Variants in CHEK2 observed in about 807,000 individuals in gnomAD.
The protein encoded by CHEK2 is serine/threonine-protein kinase Chk2.
CHEK2 carries 71 observed loss-of-function variants against 69.1 expected under a neutral mutation model. The ratio of observed to expected loss-of-function variants is 1.03; its 90% CI spans 0.85 to 1.25. The LOEUF is 1.25. Among genes scored for constraint, CHEK2 ranks in the 50% most tolerant of loss-of-function variants. The pLI is 0.00. For synonymous variants in CHEK2, 189 were observed against 226.9 expected, an observed-to-expected ratio of 0.83 and a Z score of 1.50; for missense variants, 664 against 649.6, an observed-to-expected ratio of 1.02 and a Z score of -0.24.
At chr22:28,690,537 A>G (rs995050845) in intron 13 of CHEK2, among the ~76,000 whole-genome samples, 1 of 151,356 alleles carries the variant, frequency 6.6e-6, no homozygotes, top group Non-Finnish European at 1.5e-5. Flanking sequence ...CTGAGGCAGG[A>G]GAATCGCTTG....
intron 13 of CHEK2, among the ~76,000 whole-genome samples, chr22:28,690,191 T>C (rs1477291152): frequency 6.6e-6 from 1 of 152,178 alleles, no homozygotes; most frequent in Non-Finnish European, 1.5e-5. Flanking sequence ...TTGATGGATA[T>C]GGAAATTTTA....
chr22:28,713,404 G>T (rs2053476445), intron 5 of CHEK2, among the ~76,000 whole-genome samples: 1 of 150,252 alleles, frequency 6.7e-6, no homozygotes, highest in African/African-American at 2.5e-5. Flanking sequence ...CAGTCGCCCA[G>T]GCTGGAGTGC....
At chr22:28,694,338 G>A (rs1399283481) in intron 12 of CHEK2, among the ~76,000 whole-genome samples, 2 of 152,104 alleles carry the variant, frequency 1.3e-5, no homozygotes, top group South Asian at 2.1e-4. Context: ...CTGCTGGGAC[G>A]TCAGTCACGA....
chr22:28,724,362 T>C (rs1177196247), intron 4 of CHEK2, among the ~76,000 whole-genome samples: 2 of 151,906 alleles, frequency 1.3e-5, no homozygotes, highest in Non-Finnish European at 2.9e-5. Context: ...TGAGCCGAGA[T>C]TGCACCACTG....
intron 6 of CHEK2, 35 bp from the exon 7 acceptor site, chr22:28,710,094 TA>T: frequency 7.3e-7 from 1 of 1,366,804 alleles, no homozygotes; most frequent in Non-Finnish European, 1.0e-6. Flanking sequence ...TTATTAGTAA[TA>T]ATAATTGCCA....
intron 2 of CHEK2, among the ~76,000 whole-genome samples, chr22:28,731,207 TAAACAAAC>T (rs201904190): frequency 3.4e-5 from 5 of 148,970 alleles, no homozygotes; most frequent in Non-Finnish European, 6.0e-5. Flanking sequence ...TGTCTCAAAA[TAAACAAAC>T]AAACAAACAA....
At chr22:28,689,938 G>T (rs2145756128) in intron 13 of CHEK2, among the ~76,000 whole-genome samples, 1 of 152,280 alleles carries the variant, frequency 6.6e-6, no homozygotes, top group East Asian at 1.9e-4. Flanking sequence ...GTCTGGTGCA[G>T]CTCTCCCCAT....
At chr22:28,707,888 G>A (rs1454015069) in intron 7 of CHEK2, among the ~76,000 whole-genome samples, 1 of 142,828 alleles carries the variant, frequency 7.0e-6, no homozygotes, top group East Asian at 2.1e-4. Flanking sequence ...CCAGGCTGGA[G>A]TGCAGTGGCA....
At chr22:28,725,418 C>A (rs760235890) in intron 2 of CHEK2, 51 bp from the exon 3 acceptor site, 3 of 1,611,468 alleles carry the variant, frequency 1.9e-6, no homozygotes, top group Admixed American at 1.7e-5. Context: ...ATGTATCAAA[C>A]GTTTAAAAAT....
At chr22:28,725,208 C>T (rs1169126394) in intron 3 of CHEK2, 35 bp downstream of exon 3, 1 of 1,613,910 alleles carries the variant, frequency 6.2e-7, no homozygotes, top group Non-Finnish European at 8.5e-7. Context: ...ACCAAATTAC[C>T]AGCTCTCCTA....
chr22:28,709,217 A>G (rs993788112), intron 7 of CHEK2, among the ~76,000 whole-genome samples: 2 of 152,200 alleles, frequency 1.3e-5, no homozygotes, highest in Non-Finnish European at 2.9e-5. Context: ...ACAAAAAGAT[A>G]AGAACTAGGC....
chr22:28,703,583 A>C lies in CHEK2; in HGVS notation c.847-17T>G, dbSNP rs199780411. ...GATGCAAGGCTAAGAAGAGGGGGAG[A>C]AAAAAGGGAAAGTAGTGAGAAACTC... is the stretch of plus-strand genomic sequence containing the variant. On this transcript the variant is annotated splice_polypyrimidine_tract_variant and intron_variant, in intron 7 of 14. Coordinates refer to ENST00000404276, the MANE Select transcript of CHEK2 (RefSeq NM_007194.4). The C allele has an allele frequency of 2.0e-6, 3 of 1,501,804 alleles. No individual in the cohort carries two copies. The highest frequency in any genetic ancestry group is 2.8e-5 in the African/African-American group (2 of 72,718). 93.0% of individuals were successfully genotyped at this position (1,501,804 alleles called of 1,614,324 possible). A position where few individuals can be genotyped will look rare whatever the true frequency, so the allele number is the denominator to read the frequency against.
intron 13 of CHEK2, among the ~76,000 whole-genome samples, chr22:28,693,013 T>G (rs2052423863): frequency 6.6e-6 from 1 of 152,148 alleles, no homozygotes. Context: ...CAGCTGTGAG[T>G]CAGTTAAACC....
Position 28,739,644 on chromosome 22 carries a change from G to A in CHEK2, c.-7+2125C>T, listed in dbSNP as rs551306286. The stretch of plus-strand genomic sequence containing the variant: ...GCAGAGGAGGCAGTGAGCCAAAATC[G>A]CGCCACTGCATTCCAGCCTGGGCGA... On this transcript the variant is annotated intron_variant, in intron 1 of 14. Coordinates refer to ENST00000404276, the MANE Select transcript of CHEK2 (RefSeq NM_007194.4). Among the ~76,000 whole-genome samples the A allele has an allele frequency of 3.9e-3, 586 of 152,082 alleles. 2 individuals are homozygous for A. The highest frequency in any genetic ancestry group is 8.4e-3 in the Admixed American group (129 of 15,268).
rs1385692387 is a variant in CHEK2 at position 28,719,453 on chromosome 22, GATC to G, written c.622_624del (p.Asp208del). On this transcript the variant is annotated inframe_deletion, in exon 5 of 15. Transcript: ENST00000404276. ...CTTAATGCCTTAGGATAAACTGACT[GATC>G]ATCTACAGTCAGATCAAAAAAGACA... 2 of 1,596,918 alleles carry G rather than the reference GATC, an allele frequency of 1.3e-6. No individual in the cohort carries two copies. The highest frequency in any genetic ancestry group is 1.7e-6 in the Non-Finnish European group (2 of 1,170,110).
At chr22:28,723,998 G>A (rs148780470) in intron 4 of CHEK2, among the ~76,000 whole-genome samples, 1 of 151,812 alleles carries the variant, frequency 6.6e-6, no homozygotes, top group African/African-American at 2.4e-5. Flanking sequence ...GAGGTGAAGA[G>A]GAAGGAAAAA....
intron 4 of CHEK2, chr22:28,724,767 T>C: frequency 1.7e-6 from 1 of 600,022 alleles, no homozygotes; most frequent in East Asian, 3.4e-5. Flanking sequence ...GGTTTCTCCA[T>C]GTGGGTCAGG....
At chr22:28,699,995 A>G (rs1008137076) in intron 8 of CHEK2, 58 bp from the exon 9 acceptor site, 1 of 1,140,778 alleles carries the variant, frequency 8.8e-7, no homozygotes, top group Admixed American at 2.0e-5. Flanking sequence ...ACTTGGACAG[A>G]AGACAATAAA....
rs147877722 is a variant in CHEK2, at chr22:28,695,854, G to A, written c.1115C>T (p.Ser372Phe). 2 of 1,613,300 alleles carry A rather than the reference G, an allele frequency of 1.2e-6. No individual in the cohort carries two copies. Among genetic ancestry groups the A allele is most frequent in the Non-Finnish European group, 8.5e-7 (1 of 1,179,328 alleles). ...GAGAGAGGTCTCTCCCAAAATCTTGGAGTGCCCAAAATCAGTAATCTAAAA... is the reference window on the plus strand; with the variant it reads ...GAGAGAGGTCTCTCCCAAAATCTTGAAGTGCCCAAAATCAGTAATCTAAAA... ...CLIKITDFGH[S>F]KILGETSLMR... The change falls in exon 11 of 15, where the codon TCC (serine) becomes TTC (phenylalanine). Residue 372 changes from serine (S) to phenylalanine (F), a missense_variant. Physicochemically the swap from Ser to Phe is radical, Grantham distance 155 (BLOSUM62 -2). Coordinates refer to ENST00000404276, the MANE Select transcript of CHEK2 (RefSeq NM_007194.4).
Sources: allele counts gnomAD v4.1 joint callset (sites outside exome capture counted in the v4.1 genomes callset), GRCh38; gene constraint gnomAD v4.1.1; transcripts MANE v1.5; gene names NCBI Gene and HGNC (gene_info 2026-07-23, HGNC 2026-07-21).